COL4A2: variants seen among roughly 807,000 people sequenced by gnomAD.
COL4A2 encodes collagen type IV alpha 2 chain.
Under a neutral mutation model 200.2 loss-of-function variants are expected in COL4A2, and 99 were observed. The ratio of observed to expected loss-of-function variants is 0.49; its 90% CI spans 0.42 to 0.58. The LOEUF (loss-of-function observed/expected upper bound fraction) is 0.58. Ranked by LOEUF, COL4A2 falls within the 20% of genes least tolerant of loss-of-function variation. The pLI, the probability that COL4A2 is intolerant of heterozygous loss-of-function variation, is 0.00. For missense variants in COL4A2, 1,950 were observed against 2,314.1 expected (o/e 0.84, Z 3.23); for synonymous variants, 897 against 900.6 (o/e 1.00, Z 0.07).
At chr13:110,473,329 T>C in intron 29 of COL4A2, 179 bp downstream of exon 29, 1 of 564,412 alleles carries the variant, frequency 1.8e-6, no homozygotes, top group South Asian at 2.4e-5. Context: ...CACAACACTG[T>C]GACTACCCAC....
At chr13:110,325,961 T>C (rs539456286) in intron 3 of COL4A2, among the ~76,000 whole-genome samples, 1 of 152,246 alleles carries the variant, frequency 6.6e-6, no homozygotes, top group Non-Finnish European at 1.5e-5. Flanking sequence ...TTTTTTGGTA[T>C]TTTTAGTAGA....
intron 4 of COL4A2, among the ~76,000 whole-genome samples, chr13:110,366,233 C>T (rs1179233889): frequency 6.6e-6 from 1 of 152,194 alleles, no homozygotes; most frequent in Non-Finnish European, 1.5e-5. Context: ...TAGTAGTTAC[C>T]AGACATGAGA....
intron 20 of COL4A2, among the ~76,000 whole-genome samples, chr13:110,454,489 G>A (rs556697123): frequency 3.5e-4 from 53 of 152,274 alleles, no homozygotes; most frequent in African/African-American, 1.2e-3. Context: ...GACACTGCAC[G>A]TCTCATCACA....
chr13:110,356,294 G>C (rs1279162614), intron 3 of COL4A2, among the ~76,000 whole-genome samples: 1 of 152,176 alleles, frequency 6.6e-6, no homozygotes, highest in Non-Finnish European at 1.5e-5. Context: ...CCTCTTCCCG[G>C]CATTCCTCCT....
chr13:110,423,587 C>A (rs1880344404), intron 4 of COL4A2, among the ~76,000 whole-genome samples: 2 of 152,160 alleles, frequency 1.3e-5, no homozygotes, highest in Admixed American at 6.5e-5. Context: ...CCTTTTGAGT[C>A]ATATTGGCGT....
At position 110,508,312 on chromosome 13, in the gene COL4A2, G is replaced by A; in HGVS notation, c.4881+91G>A. The A allele has an allele frequency of 6.4e-7, 1 of 1,562,048 alleles. No individual in the cohort carries two copies. The highest frequency in any genetic ancestry group is 8.7e-7 in the Non-Finnish European group (1 of 1,149,376). On this transcript the variant is annotated intron_variant, in intron 47 of 47. Transcript: ENST00000360467. The surrounding 1 kb of genome is among the most constrained non-coding windows in gnomAD (Gnocchi z 6.1). Reference sequence around the variant, plus strand: ...GCCTTTGTGAGAAGAATCAGACACGGCAGTCCAGGGTGTGCACTGCACAAG... The same window carrying A: ...GCCTTTGTGAGAAGAATCAGACACGACAGTCCAGGGTGTGCACTGCACAAG...
In COL4A2 at chr13:110,499,434, G is replaced by A. The variant is rs183610827; in HGVS notation, c.3761-2234G>A. On this transcript the variant is annotated intron_variant, in intron 40 of 47. Transcript: ENST00000360467. ...AGATCTCCTGGGAACTCACTATCACGAGAACAGCATGAGGATAGCCACCCC... is the reference window on the plus strand; with the variant it reads ...AGATCTCCTGGGAACTCACTATCACAAGAACAGCATGAGGATAGCCACCCC... Among the ~76,000 whole-genome samples the A allele has an allele frequency of 6.6e-4, 101 of 152,300 alleles. 1 individual carries two copies. Among genetic ancestry groups the A allele is most frequent in the Admixed American group, 6.5e-3 (99 of 15,300 alleles).
intron 3 of COL4A2, among the ~76,000 whole-genome samples, chr13:110,319,183 T>G (rs1342278467): frequency 6.6e-6 from 1 of 152,130 alleles, no homozygotes; most frequent in East Asian, 1.9e-4. Flanking sequence ...CTGGTGGCTC[T>G]GAGCAGATGG....
intron 3 of COL4A2, among the ~76,000 whole-genome samples, chr13:110,353,018 A>T (rs538038463): frequency 6.6e-6 from 1 of 152,328 alleles, no homozygotes; most frequent in South Asian, 2.1e-4. Flanking sequence ...GGCGTCAGTG[A>T]GAGCTGGGCA....
intron 17 of COL4A2, 26 bp downstream of exon 17, chr13:110,445,908 C>T (rs1469094889): frequency 6.2e-7 from 1 of 1,613,870 alleles, no homozygotes; most frequent in Non-Finnish European, 8.5e-7. Context: ...ATGTCTTTGC[C>T]ACTTATGGTG....
At chr13:110,343,638 A>G (rs891251641) in intron 3 of COL4A2, among the ~76,000 whole-genome samples, 7 of 152,204 alleles carry the variant, frequency 4.6e-5, no homozygotes, top group Admixed American at 4.6e-4. Context: ...GTTTGCAAAG[A>G]TAAAGCTGCA....
chr13:110,467,645 G>A lies in COL4A2; in HGVS notation c.2095+549G>A, dbSNP rs148279567. 3.4e-4 allele frequency among the ~76,000 whole-genome samples: 52 copies of A among 152,366 alleles called. No homozygotes were observed. In the East Asian group the frequency reaches 6.9e-3, roughly 20 times the overall value. Reference sequence around the variant, plus strand: ...AGAGCCCATGCCTAAGGCCGCCTGCGTGTCCAGTGTTGGCGGTGCAGGCCT... The same window carrying A: ...AGAGCCCATGCCTAAGGCCGCCTGCATGTCCAGTGTTGGCGGTGCAGGCCT... On this transcript the variant is annotated intron_variant, in intron 27 of 47. Transcript: ENST00000360467.
chr13:110,436,104 T>C, intron 12 of COL4A2, 165 bp from the exon 13 acceptor site: 1 of 1,040,120 alleles, frequency 9.6e-7, no homozygotes, highest in Non-Finnish European at 1.5e-6. Context: ...AAAACTTACA[T>C]TAGGATTACT....
At chr13:110,356,335 C>T (rs773349930) in intron 3 of COL4A2, among the ~76,000 whole-genome samples, 11 of 152,140 alleles carry the variant, frequency 7.2e-5, no homozygotes, top group Admixed American at 2.0e-4. Context: ...TCCCGTAGGG[C>T]GAAGGGGAAA....
chr13:110,321,752 G>A (rs138651179), intron 3 of COL4A2, among the ~76,000 whole-genome samples: 5,646 of 152,304 alleles, frequency 0.037, 133 homozygotes, highest in Admixed American at 0.052. Flanking sequence ...CAGAAGGCAA[G>A]GAGGAGCAAG....
intron 3 of COL4A2, among the ~76,000 whole-genome samples, chr13:110,333,959 T>C (rs1036343043): frequency 2.6e-5 from 4 of 152,194 alleles, no homozygotes; most frequent in Non-Finnish European, 5.9e-5. Context: ...AAACCGAGTC[T>C]AGAAAGTCAG....
intron 34 of COL4A2, among the ~76,000 whole-genome samples, chr13:110,487,491 C>CCAAAGA (rs1372522231): frequency 6.6e-6 from 1 of 152,100 alleles, no homozygotes; most frequent in Non-Finnish European, 1.5e-5. Flanking sequence ...CCTGTTTCTG[C>CCAAAGA]CAAAGACACC....
intron 3 of COL4A2, among the ~76,000 whole-genome samples, chr13:110,312,992 C>T (rs888443745): frequency 1.3e-5 from 2 of 152,080 alleles, no homozygotes; most frequent in African/African-American, 4.8e-5. Flanking sequence ...GAGGGTGAGC[C>T]GGGGTCTCCG....
chr13:110,408,866 CAT>C (rs1879699009), intron 4 of COL4A2, among the ~76,000 whole-genome samples: 1 of 147,710 alleles, frequency 6.8e-6, no homozygotes, highest in Non-Finnish European at 1.5e-5. Context: ...CATACACGCA[CAT>C]ATACACATGG....
Sources: allele counts gnomAD v4.1 joint callset (sites outside exome capture counted in the v4.1 genomes callset), GRCh38; gene constraint gnomAD v4.1.1; non-coding constraint Gnocchi (gnomAD v3.1); transcripts MANE v1.5; gene names NCBI Gene and HGNC (gene_info 2026-07-23, HGNC 2026-07-21).